Variants in FAM120A observed in about 807,000 individuals in gnomAD.
The protein encoded by FAM120A is family with sequence similarity 120 member A.
FAM120A carries 15 observed loss-of-function variants against 109.7 expected under a neutral mutation model. The observed-to-expected ratio is 0.14, with a 90% CI of 0.09 to 0.21. FAM120A has a LOEUF of 0.21. Ranked by LOEUF, FAM120A falls within the 10% of genes least tolerant of loss-of-function variation. FAM120A has a pLI of 1.00. For missense variants in FAM120A, 899 were observed against 1,439.3 expected, an observed-to-expected ratio of 0.62 and a Z score of 6.07; for synonymous variants, 493 against 572.8, an observed-to-expected ratio of 0.86 and a Z score of 1.99.
At position 93,463,197 on chromosome 9, in the gene FAM120A, A is replaced by T. The variant is rs563730733; in HGVS notation, c.475-7944A>T. Among the ~76,000 whole-genome samples, 27 of 151,912 alleles carry T rather than the reference A, an allele frequency of 1.8e-4. 1 individual carries two copies. Among genetic ancestry groups the T allele is most frequent in the African/African-American group, 5.3e-4 (22 of 41,328 alleles). ...GACATTTGTTATTTTCTTTTTTTTA[A>T]AAAAATAGTAGCCATCCTAATGGGT... On this transcript the variant is annotated intron_variant, in intron 1 of 17. Coordinates refer to ENST00000277165, the MANE Select transcript of FAM120A (RefSeq NM_014612.5).
chr9:93,471,528 A>T (rs1032864525), intron 2 of FAM120A, 141 bp downstream of exon 2: 10 of 1,050,824 alleles, frequency 9.5e-6, no homozygotes, highest in Non-Finnish European at 1.2e-5. Context: ...CTTCCTTAGC[A>T]TTCCTTGCTT....
chr9:93,502,565 T>TACACACACACACACACAC (rs6151079), intron 5 of FAM120A, among the ~76,000 whole-genome samples: 5 of 146,690 alleles, frequency 3.4e-5, no homozygotes, highest in South Asian at 2.2e-4. Context: ...GGAGGACACA[T>TACACACACACACACACAC]ACACACACAC....
Position 93,484,832 on chromosome 9 carries a change from C to T in FAM120A, c.804+8494C>T, listed in dbSNP as rs182671328. 6.6e-3 allele frequency among the ~76,000 whole-genome samples: 1,006 copies of T among 152,268 alleles called. 14 individuals carry two copies. The highest frequency in any genetic ancestry group is 0.023 in the African/African-American group (972 of 41,556). ...CAGGTGATCCACCCGCCTCGGCCTCCCCAAAGTGCTGGGATTACAGGCATG... is the reference window on the plus strand; with the variant it reads ...CAGGTGATCCACCCGCCTCGGCCTCTCCAAAGTGCTGGGATTACAGGCATG... On this transcript the variant is annotated intron_variant, in intron 3 of 17. Transcript: ENST00000277165.
intron 13 of FAM120A, among the ~76,000 whole-genome samples, chr9:93,557,125 T>TG (rs1260108303): frequency 7.7e-6 from 1 of 130,202 alleles, no homozygotes; most frequent in Non-Finnish European, 1.6e-5. Context: ...TTGTTTGTTT[T>TG]GGTTTTTTTT....
chr9:93,499,802 ACT>A (rs1308818940), intron 5 of FAM120A, among the ~76,000 whole-genome samples: 1 of 152,190 alleles, frequency 6.6e-6, no homozygotes, highest in Non-Finnish European at 1.5e-5. Context: ...TGTTCAAGAG[ACT>A]CTTACTGGAA....
At chr9:93,499,751 GTGT>G (rs1859720909) in intron 5 of FAM120A, among the ~76,000 whole-genome samples, 1 of 152,226 alleles carries the variant, frequency 6.6e-6, no homozygotes. Flanking sequence ...CATTTAAATT[GTGT>G]TGTTTGCTTC....
chr9:93,556,302 G>T, intron 12 of FAM120A, 80 bp from the exon 13 acceptor site: 1 of 1,178,632 alleles, frequency 8.5e-7, no homozygotes. Flanking sequence ...TGTTAACTTT[G>T]GAGAGTTTTA....
Position 93,500,122 on chromosome 9 carries a change from C to CT in FAM120A, c.1030+1237dup, listed in dbSNP as rs1243978207. On this transcript the variant is annotated intron_variant, in intron 5 of 17. Coordinates refer to ENST00000277165, the MANE Select transcript of FAM120A (RefSeq NM_014612.5). The surrounding 1 kb of genome is among the most constrained non-coding windows in gnomAD (Gnocchi z 4.6). ...CCTCCCAGTGGGGCTCTTTGCTGCT[C>CT]TCTTGCTCCCCTGCAATCCATTTTC... Among the ~76,000 whole-genome samples the CT allele has an allele frequency of 1.3e-5, 2 of 152,234 alleles. No individual in the cohort carries two copies. Among genetic ancestry groups the CT allele is most frequent in the African/African-American group, 4.8e-5 (2 of 41,452 alleles).
intron 2 of FAM120A, among the ~76,000 whole-genome samples, chr9:93,474,239 G>C (rs1858447155): frequency 6.6e-6 from 1 of 152,098 alleles, no homozygotes; most frequent in Admixed American, 6.6e-5. Context: ...CTAGGCTGGA[G>C]TGCAGTGGTG....
chr9:93,503,916 T>C, intron 5 of FAM120A, among the ~76,000 whole-genome samples: 1 of 152,188 alleles, frequency 6.6e-6, no homozygotes. Flanking sequence ...GGGTGCTGAA[T>C]GGTGTGGTAA....
Position 93,497,580 on chromosome 9 carries a change from A to C in FAM120A, c.914A>C (p.Asp305Ala). Reference protein sequence around the residue: ...DTSDLDAIAKDVFQHSQSRTD... With the variant: ...DTSDLDAIAKAVFQHSQSRTD... ...TCTGACTTGGATGCCATAGCTAAAGATGTTTTCCAGCATTCACAGGTAAAA... is the reference window on the plus strand; with the variant it reads ...TCTGACTTGGATGCCATAGCTAAAGCTGTTTTCCAGCATTCACAGGTAAAA... Residue 305 changes from aspartate (D) to alanine (A), a missense_variant, in exon 4 of 18, where the codon GAT becomes GCT. By Grantham distance (126) the Asp-to-Ala change is moderately radical. Around this residue, in one of 11 missense-constraint regions of FAM120A, gnomAD observed 258 missense variants for 451.4 expected, o/e 0.57. Transcript: ENST00000277165. The C allele has an allele frequency of 6.2e-7, 1 of 1,603,914 alleles. No homozygotes were observed. The highest frequency in any genetic ancestry group is 8.5e-7 in the Non-Finnish European group (1 of 1,177,080).
rs1857345462 is a variant in FAM120A, at chr9:93,452,959, A to T, written c.474+570A>T. 7.2e-7 allele frequency: 1 copy of T among 1,379,554 alleles called. No individual in the cohort carries two copies. The allele number at this position is 1,379,554 out of a possible 1,614,324, so 85.5% of individuals were successfully genotyped here. Reference sequence around the variant, plus strand: ...GCCAGTGCCCTGGCCTCTACTTCAGAACGCAGTGCCCTGTCCGTGTTCCTC... The same window carrying T: ...GCCAGTGCCCTGGCCTCTACTTCAGTACGCAGTGCCCTGTCCGTGTTCCTC... On this transcript the variant is annotated intron_variant, in intron 1 of 17. Coordinates refer to ENST00000277165, the MANE Select transcript of FAM120A (RefSeq NM_014612.5). This position sits in a 1 kb window ranked among gnomAD's most constrained non-coding sequence, Gnocchi z 7.0.
chr9:93,533,455 C>A (rs1286711867), intron 10 of FAM120A, among the ~76,000 whole-genome samples: 1 of 152,274 alleles, frequency 6.6e-6, no homozygotes, highest in East Asian at 1.9e-4. Context: ...GCTCGCTCTG[C>A]AGGGCTGTGA....
chr9:93,453,857 A>G (rs1017222054), intron 1 of FAM120A, among the ~76,000 whole-genome samples: 7 of 152,250 alleles, frequency 4.6e-5, no homozygotes, highest in African/African-American at 1.7e-4. Flanking sequence ...AGTCTTGTTC[A>G]GAGATGGAAA....
rs1026902735 is a variant in FAM120A at position 93,498,540 on chromosome 9, G to A, written c.934-250G>A. On this transcript the variant is annotated intron_variant, in intron 4 of 17. Coordinates refer to ENST00000277165, the MANE Select transcript of FAM120A (RefSeq NM_014612.5). This position sits in a 1 kb window ranked among gnomAD's most constrained non-coding sequence, Gnocchi z 4.4. ...GGAAGTCAGGGAAGTCCTAGAGCTA[G>A]AACCCAGGGCCCTGACTACCACTTT... is the stretch of plus-strand genomic sequence containing the variant. 6.6e-6 allele frequency among the ~76,000 whole-genome samples: 1 copy of A among 152,244 alleles called. No homozygotes were observed. The highest frequency in any genetic ancestry group is 6.5e-5 in the Admixed American group (1 of 15,282).
At chr9:93,470,448 T>C (rs1050427889) in intron 1 of FAM120A, among the ~76,000 whole-genome samples, 58 of 152,244 alleles carry the variant, frequency 3.8e-4, no homozygotes, top group African/African-American at 1.3e-3. Flanking sequence ...GGATGTTACA[T>C]TGGGGATTCA....
chr9:93,474,078 A>G (rs1175754200), intron 2 of FAM120A, among the ~76,000 whole-genome samples: 3 of 104,784 alleles, frequency 2.9e-5, no homozygotes, highest in Non-Finnish European at 5.9e-5. Context: ...AAGTTTTGAA[A>G]TAAATGAAAA....
chr9:93,456,502 T>C (rs1857554161), intron 1 of FAM120A, among the ~76,000 whole-genome samples: 1 of 152,238 alleles, frequency 6.6e-6, no homozygotes, highest in Non-Finnish European at 1.5e-5. Context: ...TTAGAGATGA[T>C]GGTCTCCCTT....
At chr9:93,477,023 T>C (rs1247818019) in intron 3 of FAM120A, among the ~76,000 whole-genome samples, 8 of 152,168 alleles carry the variant, frequency 5.3e-5, no homozygotes, top group African/African-American at 1.7e-4. Flanking sequence ...GTAATGATCA[T>C]TTGTCAGTTC....
Sources: allele counts gnomAD v4.1 joint callset (sites outside exome capture counted in the v4.1 genomes callset), GRCh38; gene constraint gnomAD v4.1.1; regional missense constraint gnomAD v4.1.1; non-coding constraint Gnocchi (gnomAD v3.1); transcripts MANE v1.5; gene names NCBI Gene and HGNC (gene_info 2026-07-23, HGNC 2026-07-21).